Variants in TSGA10 observed in about 807,000 individuals in gnomAD.
TSGA10 encodes testis-specific gene 10 protein.
TSGA10 carries 43 observed loss-of-function variants against 96.6 expected under a neutral mutation model. The ratio of observed to expected loss-of-function variants is 0.44; its 90% CI spans 0.35 to 0.57. The LOEUF is 0.57. Among genes scored for constraint, TSGA10 ranks in the 20% least tolerant of loss-of-function variants. The pLI is 0.01. For missense variants in TSGA10, 703 were observed against 834.4 expected (o/e 0.84, Z 1.94); for synonymous variants, 229 against 269.9 (o/e 0.85, Z 1.48).
intron 20 of TSGA10, among the ~76,000 whole-genome samples, chr2:98,999,347 A>C (rs570251322): frequency 6.6e-6 from 1 of 152,354 alleles, no homozygotes; most frequent in East Asian, 1.9e-4. Flanking sequence ...CAACCACTAG[A>C]GGCTGCATAC....
chr2:99,058,592 G>C lies in TSGA10; in HGVS notation c.1404+6347C>G, dbSNP rs1332923128. 2.0e-5 allele frequency among the ~76,000 whole-genome samples: 3 copies of C among 152,098 alleles called. No individual in the cohort carries two copies. The East Asian group carries it at 5.8e-4, about 29-fold the overall frequency. The stretch of plus-strand genomic sequence containing the variant: ...ATGATAAACTTCTGGCTAGACTGAT[G>C]AAGAGAATAGAGAAATGCTACAAAT... On this transcript the variant is annotated intron_variant, in intron 16 of 20. Transcript: ENST00000393483.
intron 1 of TSGA10, among the ~76,000 whole-genome samples, chr2:99,140,858 G>A (rs2093509632): frequency 6.6e-6 from 1 of 152,038 alleles, no homozygotes; most frequent in Admixed American, 6.6e-5. Context: ...TAGGAACTGG[G>A]CTCAAACCTA....
chr2:99,000,076 A>T (rs2077755190), intron 20 of TSGA10, among the ~76,000 whole-genome samples: 1 of 152,192 alleles, frequency 6.6e-6, no homozygotes, highest in Non-Finnish European at 1.5e-5. Flanking sequence ...ATTTTTTAAA[A>T]AGATTTTCAA....
chr2:99,065,215 C>T lies in TSGA10; in HGVS notation c.1219-91G>A, dbSNP rs1376114125. 2.1e-6 allele frequency: 3 copies of T among 1,402,522 alleles called. No homozygotes were observed. In the East Asian group the frequency reaches 6.9e-5, roughly 32 times the overall value. 86.9% of individuals were successfully genotyped at this position (1,402,522 alleles called of 1,614,324 possible). A position where few individuals can be genotyped will look rare whatever the true frequency, so the allele number is the denominator to read the frequency against. On this transcript the variant is annotated intron_variant, in intron 15 of 20. Transcript: ENST00000393483. The stretch of plus-strand genomic sequence containing the variant: ...TCCAAGTCATTGGGAATTCACTTGC[C>T]ATGAGAAGCGTTTATAATAGAACCC...
chr2:99,144,604 G>A (rs1461627103), intron 1 of TSGA10, among the ~76,000 whole-genome samples: 3 of 129,834 alleles, frequency 2.3e-5, no homozygotes, highest in Non-Finnish European at 3.1e-5. Context: ...AGCCGAGATC[G>A]TGCCATCGCC....
At chr2:99,120,467 AAATG>A (rs769490175) in intron 2 of TSGA10, among the ~76,000 whole-genome samples, 14 of 152,296 alleles carry the variant, frequency 9.2e-5, no homozygotes, top group Non-Finnish European at 1.9e-4. Context: ...GAAAAAAAAT[AAATG>A]AGAGTCTCTT....
At chr2:99,015,817 G>A (rs757361833) in intron 20 of TSGA10, among the ~76,000 whole-genome samples, 2 of 152,160 alleles carry the variant, frequency 1.3e-5, no homozygotes, top group Admixed American at 1.3e-4. Context: ...AAATTAATGT[G>A]CACAAATCAG....
intron 16 of TSGA10, among the ~76,000 whole-genome samples, chr2:99,059,076 AT>A (rs1259424422): frequency 5.5e-5 from 6 of 109,638 alleles, no homozygotes; most frequent in Admixed American, 1.9e-4. Context: ...ATATTTATAT[AT>A]TTTTATATAT....
intron 10 of TSGA10, among the ~76,000 whole-genome samples, chr2:99,098,942 C>A (rs1299832804): frequency 1.3e-5 from 2 of 152,006 alleles, no homozygotes; most frequent in Non-Finnish European, 2.9e-5. Context: ...CACAAAATGA[C>A]AGAAGAAAAA....
intron 10 of TSGA10, among the ~76,000 whole-genome samples, chr2:99,099,708 T>C (rs977274120): frequency 3.3e-5 from 5 of 152,126 alleles, no homozygotes; most frequent in Non-Finnish European, 7.4e-5. Context: ...AATAGTTAAT[T>C]AGAAGTAATT....
chr2:99,150,673 C>G (rs746839445), intron 1 of TSGA10: 2 of 1,613,996 alleles, frequency 1.2e-6, no homozygotes, highest in Non-Finnish European at 1.7e-6. Context: ...ACCAGCGACT[C>G]AGTTATTTCA....
chr2:99,109,248 G>C, intron 6 of TSGA10, 141 bp downstream of exon 6: 2 of 895,494 alleles, frequency 2.2e-6, no homozygotes, highest in Non-Finnish European at 3.5e-6. Flanking sequence ...TGCCATCAAA[G>C]AGACCTCTGT....
At chr2:99,132,051 G>A (rs1286320608) in intron 1 of TSGA10, among the ~76,000 whole-genome samples, 1 of 152,024 alleles carries the variant, frequency 6.6e-6, no homozygotes, top group Non-Finnish European at 1.5e-5. Flanking sequence ...TTTTCACATC[G>A]ATGTTCATCA....
At chr2:99,049,124 T>C (rs1023778127) in intron 16 of TSGA10, among the ~76,000 whole-genome samples, 1 of 152,190 alleles carries the variant, frequency 6.6e-6, no homozygotes, top group Non-Finnish European at 1.5e-5. Context: ...GCTTTTACAC[T>C]GTTGGTGGGA....
intron 16 of TSGA10, among the ~76,000 whole-genome samples, chr2:99,053,997 C>T (rs1280441134): frequency 2.6e-5 from 4 of 151,252 alleles, no homozygotes; most frequent in Non-Finnish European, 5.9e-5. Context: ...ATCAAAATTC[C>T]AAGAGCATTT....
Position 98,998,208 on chromosome 2 carries a change from T to C in TSGA10, c.2086A>G (p.Arg696Gly). 4 of 1,600,620 alleles carry C rather than the reference T, an allele frequency of 2.5e-6. No individual in the cohort carries two copies. The highest frequency in any genetic ancestry group is 3.4e-6 in the Non-Finnish European group (4 of 1,175,310). ...DRSLEENLCY[R>G]DF is the part of the protein sequence containing the mutation. ...AATCATTTCAGGTGTCAGAAATCTC[T>C]GTAGCAAAGATTCCTATAAGAGAAA... Residue 696 changes from arginine (R) to glycine (G), a missense_variant, in exon 21 of 21, where the codon AGA becomes GGA. Physicochemically the swap from Arg to Gly is moderately radical, Grantham distance 125. Transcript: ENST00000393483.
Position 98,998,017 on chromosome 2 carries a change from A to T in TSGA10, c.*180T>A. On this transcript the variant is annotated 3_prime_UTR_variant, in exon 21 of 21. Coordinates refer to ENST00000393483, the MANE Select transcript of TSGA10 (RefSeq NM_025244.4). Reference sequence around the variant, plus strand: ...AAGAGCCATATACATTTTTGTTTTTATAAGTCATCTCAGATCACTGCAACA... The same window carrying T: ...AAGAGCCATATACATTTTTGTTTTTTTAAGTCATCTCAGATCACTGCAACA... 1 of 566,842 alleles carries T rather than the reference A, an allele frequency of 1.8e-6. No homozygotes were observed. 35.1% of individuals were successfully genotyped at this position (566,842 alleles called of 1,614,324 possible). A position where few individuals can be genotyped will look rare whatever the true frequency, so the allele number is the denominator to read the frequency against.
At chr2:99,074,630 A>G (rs2086463242) in intron 12 of TSGA10, among the ~76,000 whole-genome samples, 1 of 152,220 alleles carries the variant, frequency 6.6e-6, no homozygotes, top group Non-Finnish European at 1.5e-5. Context: ...ATTTCTAAAC[A>G]AATTCTGAAA....
At chr2:99,084,219 G>C (rs934114019) in intron 10 of TSGA10, among the ~76,000 whole-genome samples, 2 of 152,136 alleles carry the variant, frequency 1.3e-5, no homozygotes, top group African/African-American at 2.4e-5. Context: ...TGCAGCCAAG[G>C]CTGTTAAGGA....
Sources: allele counts gnomAD v4.1 joint callset (sites outside exome capture counted in the v4.1 genomes callset), GRCh38; gene constraint gnomAD v4.1.1; transcripts MANE v1.5; gene names NCBI Gene and HGNC (gene_info 2026-07-23, HGNC 2026-07-21).